The following UBE2E2 variants were observed in gnomAD, a reference collection of about 807,000 sequenced individuals.
UBE2E2 encodes the protein ubiquitin conjugating enzyme E2 E2, also known as ubiquitin-conjugating enzyme E2 E2.
Under a neutral mutation model 24.7 loss-of-function variants are expected in UBE2E2, and 6 were observed. That is an observed-to-expected ratio of 0.24 (90% CI 0.13 to 0.48). The LOEUF (loss-of-function observed/expected upper bound fraction) is 0.48. UBE2E2 is among the 20% of genes least tolerant of loss of function. UBE2E2 has a pLI of 0.99. For synonymous variants in UBE2E2, 104 were observed against 83.6 expected, an observed-to-expected ratio of 1.24 and a Z score of -1.33; for missense variants, 169 against 245.0, an observed-to-expected ratio of 0.69 and a Z score of 2.07.
intron 3 of UBE2E2, among the ~76,000 whole-genome samples, chr3:23,442,688 G>C (rs1420690357): frequency 1.3e-5 from 2 of 152,136 alleles, no homozygotes; most frequent in Non-Finnish European, 2.9e-5. Flanking sequence ...ATTTTCAAAA[G>C]GTAGAATTTT....
intron 3 of UBE2E2, among the ~76,000 whole-genome samples, chr3:23,483,077 G>A (rs537494592): frequency 6.6e-6 from 1 of 152,314 alleles, no homozygotes; most frequent in African/African-American, 2.4e-5. Context: ...CAGAAAGGTA[G>A]TGAACTAATG....
intron 3 of UBE2E2, among the ~76,000 whole-genome samples, chr3:23,352,346 A>G (rs549785348): frequency 6.6e-6 from 1 of 152,318 alleles, no homozygotes; most frequent in South Asian, 2.1e-4. Context: ...GAGCAAACAC[A>G]TTCAAAACCT....
intron 3 of UBE2E2, among the ~76,000 whole-genome samples, chr3:23,383,951 C>T (rs1212609216): frequency 2.0e-5 from 3 of 149,792 alleles, no homozygotes; most frequent in Non-Finnish European, 4.4e-5. Context: ...ATAAATTAAC[C>T]TCACAATTTA....
chr3:23,469,182 C>G (rs1698982326), intron 3 of UBE2E2, among the ~76,000 whole-genome samples: 1 of 152,262 alleles, frequency 6.6e-6, no homozygotes, highest in East Asian at 1.9e-4. Context: ...TCACTGGATC[C>G]TCTCATGGCA....
intron 3 of UBE2E2, among the ~76,000 whole-genome samples, chr3:23,278,401 T>A (rs760938549): frequency 6.6e-6 from 1 of 152,160 alleles, no homozygotes; most frequent in Admixed American, 6.6e-5. Context: ...CAGGTCTTCA[T>A]TGTAAGACAA....
intron 3 of UBE2E2, among the ~76,000 whole-genome samples, chr3:23,246,704 T>C (rs1022947017): frequency 6.6e-6 from 1 of 151,914 alleles, no homozygotes; most frequent in Non-Finnish European, 1.5e-5. Flanking sequence ...CTTTGAGTAG[T>C]ACCTGGTTAT....
intron 5 of UBE2E2, among the ~76,000 whole-genome samples, chr3:23,586,456 G>A (rs575694067): frequency 1.3e-5 from 2 of 151,982 alleles, no homozygotes; most frequent in South Asian, 2.1e-4. Flanking sequence ...CACCACACCT[G>A]GCTAATTTTT....
At chr3:23,312,604 G>A (rs1366234006) in intron 3 of UBE2E2, among the ~76,000 whole-genome samples, 1 of 151,236 alleles carries the variant, frequency 6.6e-6, no homozygotes, top group Non-Finnish European at 1.5e-5. Context: ...TTTTTATATT[G>A]TTTCTTTTGT....
At chr3:23,206,579 T>A (rs1277365039) in intron 1 of UBE2E2, among the ~76,000 whole-genome samples, 2 of 152,002 alleles carry the variant, frequency 1.3e-5, no homozygotes, top group African/African-American at 4.8e-5. Flanking sequence ...GCTGTTGGGG[T>A]TGAAGGGGTG....
At chr3:23,430,527 G>GT (rs1280134274) in intron 3 of UBE2E2, among the ~76,000 whole-genome samples, 1 of 151,080 alleles carries the variant, frequency 6.6e-6, no homozygotes, top group Non-Finnish European at 1.5e-5. Context: ...TTTTTTTGTT[G>GT]TTTTTTTGTT....
intron 3 of UBE2E2, among the ~76,000 whole-genome samples, chr3:23,302,984 G>A (rs925355035): frequency 6.6e-6 from 1 of 152,170 alleles, no homozygotes; most frequent in Admixed American, 6.6e-5. Flanking sequence ...GAACCTGGTG[G>A]CACAGCAGGA....
rs576255881 is a variant in UBE2E2, at chr3:23,562,275, TG to T, written c.509-27458del. Among the ~76,000 whole-genome samples the T allele has an allele frequency of 5.3e-3, 800 of 152,306 alleles. 6 individuals carry two copies. Among genetic ancestry groups the T allele is most frequent in the African/African-American group, 0.017 (717 of 41,562 alleles). On this transcript the variant is annotated intron_variant, in intron 5 of 5. Coordinates refer to ENST00000396703, the MANE Select transcript of UBE2E2 (RefSeq NM_152653.4). ...CCTAATTTATTGAGAGTTTTTAGCATGAAGCGTTGTTGAATTTTGTCAAAGG... is the reference window on the plus strand; with the variant it reads ...CCTAATTTATTGAGAGTTTTTAGCATAAGCGTTGTTGAATTTTGTCAAAGG...
At chr3:23,520,413 A>C (rs540078373) in intron 4 of UBE2E2, among the ~76,000 whole-genome samples, 5 of 152,356 alleles carry the variant, frequency 3.3e-5, no homozygotes, top group Non-Finnish European at 2.9e-5. Context: ...CTGTTTATAC[A>C]TGTGGTATTT....
intron 3 of UBE2E2, among the ~76,000 whole-genome samples, chr3:23,257,587 A>T: frequency 8.9e-6 from 1 of 112,414 alleles, no homozygotes; most frequent in Admixed American, 1.3e-4. Context: ...CCCAGACTGG[A>T]CTCTAATTCC....
At chr3:23,300,435 C>T (rs1699040572) in intron 3 of UBE2E2, among the ~76,000 whole-genome samples, 1 of 152,196 alleles carries the variant, frequency 6.6e-6, no homozygotes, top group African/African-American at 2.4e-5. Flanking sequence ...TTGTCCCTTT[C>T]CATGTTTAGT....
intron 2 of UBE2E2, among the ~76,000 whole-genome samples, chr3:23,214,405 C>T (rs895701077): frequency 4.5e-4 from 69 of 151,766 alleles, no homozygotes; most frequent in Admixed American, 2.6e-3. Context: ...AAGCACACAC[C>T]GCTATGACCA....
At chr3:23,458,439 T>G (rs926352436) in intron 3 of UBE2E2, among the ~76,000 whole-genome samples, 16 of 101,418 alleles carry the variant, frequency 1.6e-4, no homozygotes, top group African/African-American at 8.3e-4. Context: ...TGTTGTTGTT[T>G]GAGACGGAGT....
chr3:23,344,876 T>C (rs1695504624), intron 3 of UBE2E2, among the ~76,000 whole-genome samples: 1 of 151,670 alleles, frequency 6.6e-6, no homozygotes, highest in Non-Finnish European at 1.5e-5. Context: ...TCATTAAATG[T>C]TTGATGAATG....
At chr3:23,524,594 A>G (rs1472378757) in intron 4 of UBE2E2, among the ~76,000 whole-genome samples, 2 of 152,138 alleles carry the variant, frequency 1.3e-5, no homozygotes, top group East Asian at 3.9e-4. Flanking sequence ...AATACAACTC[A>G]TGGATCATGG....
Sources: allele counts gnomAD v4.1 joint callset (sites outside exome capture counted in the v4.1 genomes callset), GRCh38; gene constraint gnomAD v4.1.1; transcripts MANE v1.5; gene names NCBI Gene and HGNC (gene_info 2026-07-23, HGNC 2026-07-21).